Variants in DDB1 observed in about 807,000 individuals in gnomAD.
DDB1 encodes damage specific DNA binding protein 1.
In DDB1, 18 loss-of-function variants were observed where a neutral mutation model predicts 133.1. The observed-to-expected ratio is 0.14, with a 90% confidence interval of 0.09 to 0.20. The LOEUF is 0.20. DDB1 is among the 10% of genes least tolerant of loss of function. The pLI is 1.00. For missense variants in DDB1, 828 were observed against 1,459.2 expected, an observed-to-expected ratio of 0.57 and a Z score of 7.05; for synonymous variants, 580 against 550.5, an observed-to-expected ratio of 1.05 and a Z score of -0.75.
At position 61,333,014 on chromosome 11, in the gene DDB1, A is replaced by C. The variant is rs1856435285; in HGVS notation, c.-46T>G. The stretch of plus-strand genomic sequence containing the variant: ...GTCGGGACTCGAGCGCGACACTAGA[A>C]AGAGGGACACAAGCGAAAAGACAGG... On this transcript the variant is annotated 5_prime_UTR_variant, in exon 1 of 27. Transcript: ENST00000301764. 1.4e-6 allele frequency: 2 copies of C among 1,453,746 alleles called. No homozygotes were observed. Among genetic ancestry groups the C allele is most frequent in the African/African-American group, 1.5e-5 (1 of 67,718 alleles). 90.1% of individuals were successfully genotyped at this position (1,453,746 alleles called of 1,614,324 possible).
In DDB1 at chr11:61,332,899, C is replaced by T; in HGVS notation, c.61+9G>A. 3 of 1,481,416 alleles carry T rather than the reference C, an allele frequency of 2.0e-6. No homozygotes were observed. Among genetic ancestry groups the T allele is most frequent in the South Asian group, 1.3e-5 (1 of 78,482 alleles). The allele number at this position is 1,481,416 out of a possible 1,614,324, so 91.8% of individuals were successfully genotyped here. On this transcript the variant is annotated intron_variant, in intron 1 of 26. Transcript: ENST00000301764. The stretch of plus-strand genomic sequence containing the variant: ...CACTCGCCGGGGTCTCCGGCCCCGG[C>T]AGCCTCACCGGTCACGCAGCCGTTC...
intron 7 of DDB1, 71 bp downstream of exon 7, chr11:61,323,908 T>G (rs945384413): frequency 2.8e-5 from 43 of 1,552,948 alleles, no homozygotes; most frequent in Non-Finnish European, 3.8e-5. Flanking sequence ...AGTTGAGGTG[T>G]GGGACCACAC....
intron 2 of DDB1, among the ~76,000 whole-genome samples, chr11:61,330,654 T>G (rs943279107): frequency 6.6e-5 from 10 of 151,828 alleles, no homozygotes; most frequent in African/African-American, 2.4e-4. Context: ...ATGGTAATTG[T>G]TTTTTTTGTT....
At chr11:61,309,143 C>G in intron 20 of DDB1, 66 bp from the exon 21 acceptor site, 1 of 1,478,970 alleles carries the variant, frequency 6.8e-7, no homozygotes, top group East Asian at 2.3e-5. Context: ...AAAGAATCCT[C>G]TGGTTGCCCC....
chr11:61,315,642 A>G (rs1590689637), intron 12 of DDB1: 1 of 152,446 alleles, frequency 6.6e-6, no homozygotes, highest in Non-Finnish European at 1.5e-5. Flanking sequence ...AACAGCTCAG[A>G]AGGTAAGGAG....
At chr11:61,326,697 G>T in intron 5 of DDB1, 82 bp downstream of exon 5, 1 of 1,075,472 alleles carries the variant, frequency 9.3e-7, no homozygotes, top group Non-Finnish European at 1.5e-6. Flanking sequence ...AAAACGAAGG[G>T]CAGAGAAGGT....
intron 19 of DDB1, 25 bp downstream of exon 19, chr11:61,310,270 A>G: frequency 6.3e-7 from 1 of 1,596,602 alleles, no homozygotes; most frequent in Non-Finnish European, 8.5e-7. Flanking sequence ...CGTAGATAAA[A>G]ATTATCGAAA....
chr11:61,312,057 G>C lies in DDB1; in HGVS notation c.2097C>G (p.Leu699=). ...GGATCTCATCGATGGTGCCAATGGT[G>C]AGGGTGCTATTGTTGGCCAGCGCCA... The part of the protein sequence containing the change: ...DSLALANNST[L]TIGTIDEIQK... The change falls in exon 17 of 27, where the codon CTC becomes CTG. Residue 699 remains leucine (L), a synonymous_variant. Transcript: ENST00000301764. The C allele has an allele frequency of 6.2e-7, 1 of 1,614,236 alleles. No homozygotes were observed.
Position 61,329,579 on chromosome 11 carries a change from G to A in DDB1, c.333C>T (p.Arg111=). The part of the protein sequence containing the change: ...ITRAHGNVQD[R]IGRPSETGII... ...TGCCGGTCTCTGAGGGGCGGCCAATGCGGTCCTGAGAAACAAAATCGGGAT... is the reference window on the plus strand; with the variant it reads ...TGCCGGTCTCTGAGGGGCGGCCAATACGGTCCTGAGAAACAAAATCGGGAT... Residue 111 remains arginine, a synonymous_variant, in exon 4 of 27, where the codon CGC becomes CGT. Transcript: ENST00000301764. The A allele has an allele frequency of 6.2e-7, 1 of 1,609,314 alleles. No homozygotes were observed. The highest frequency in any genetic ancestry group is 8.5e-7 in the Non-Finnish European group (1 of 1,177,554).
rs376330146 is a variant in DDB1 at position 61,316,998 on chromosome 11, T to G, written c.1226-431A>C. ...ATATATATATATATATATATATATA[T>G]AGACATGGCAGCCTGACACCACTGG... On this transcript the variant is annotated intron_variant, in intron 10 of 26. Transcript: ENST00000301764. 1.6e-4 allele frequency among the ~76,000 whole-genome samples: 15 copies of G among 92,168 alleles called. 1 individual carries two copies. Among genetic ancestry groups the G allele is most frequent in the South Asian group, 7.2e-4 (2 of 2,776 alleles). The allele number at this position is 92,168 out of a possible 152,430, so 60.5% of individuals were successfully genotyped here. A position where few individuals can be genotyped will look rare whatever the true frequency, so the allele number is the denominator to read the frequency against.
At chr11:61,323,367 A>T in intron 7 of DDB1, 1 of 397,846 alleles carries the variant, frequency 2.5e-6, no homozygotes, top group South Asian at 3.9e-5. Flanking sequence ...TTAATATTAA[A>T]CTTTTTGGGA....
chr11:61,323,701 A>T (rs997750767), intron 7 of DDB1: 5 of 374,988 alleles, frequency 1.3e-5, no homozygotes, highest in African/African-American at 2.0e-5. Flanking sequence ...GGTGTGAGCC[A>T]CTGAAACCAG....
At chr11:61,320,291 C>A (rs1234349237) in intron 10 of DDB1, among the ~76,000 whole-genome samples, 1 of 151,904 alleles carries the variant, frequency 6.6e-6, no homozygotes, top group Admixed American at 6.6e-5. Context: ...ACCTCCGCCT[C>A]CCAGGTTCAA....
At position 61,331,442 on chromosome 11, in the gene DDB1, A is replaced by AC. The variant is rs1590702709; in HGVS notation, c.210+100dup. On this transcript the variant is annotated intron_variant, in intron 2 of 26. Coordinates refer to ENST00000301764, the MANE Select transcript of DDB1 (RefSeq NM_001923.5). ...AAGACATCCTGGGCAACACTGTGAGACCCCCGTCTCAAAGAAAATAAATAA... is the reference window on the plus strand; with the variant it reads ...AAGACATCCTGGGCAACACTGTGAGACCCCCCGTCTCAAAGAAAATAAATAA... 8.1e-6 allele frequency: 12 copies of AC among 1,478,698 alleles called. No homozygotes were observed. The East Asian group carries it at 2.6e-4, about 32-fold the overall frequency. 91.6% of individuals were successfully genotyped at this position (1,478,698 alleles called of 1,614,324 possible).
chr11:61,314,136 A>C lies in DDB1; in HGVS notation c.1664T>G (p.Leu555Arg). 2 of 1,614,160 alleles carry C rather than the reference A, an allele frequency of 1.2e-6. No homozygotes were observed. The highest frequency in any genetic ancestry group is 1.7e-6 in the Non-Finnish European group (2 of 1,179,992). ...PLGDSNGLSP[L>R]CAIGLWTDIS... ...GTCCGTCCAGAGGCCAATGGCACAA[A>C]GAGGGGACAGTCCATTGCTGTCTCC... Residue 555 changes from leucine to arginine, a missense_variant, in exon 14 of 27, where the codon CTT (leucine) becomes CGT (arginine). Leu to Arg is a moderately radical substitution (Grantham distance 102). Transcript: ENST00000301764.
At position 61,316,483 on chromosome 11, in the gene DDB1, C is replaced by T; in HGVS notation, c.1301+9G>A. ...CAGCACCTACAGCTGGCACTAGACC[C>T]ATCCTTACCTTGTCTGGCCCACAAA... is the stretch of plus-strand genomic sequence containing the variant. On this transcript the variant is annotated intron_variant, in intron 11 of 26. Transcript: ENST00000301764. The T allele has an allele frequency of 6.2e-7, 1 of 1,614,178 alleles. No individual in the cohort carries two copies.
chr11:61,303,165 G>C lies in DDB1; in HGVS notation c.2833-10C>G. The stretch of plus-strand genomic sequence containing the variant: ...TAAAGTCTCGAGCAATCTTAAAACA[G>C]ACAAGGTGAAAGAAGAAAGCATAAT... On this transcript the variant is annotated splice_polypyrimidine_tract_variant and intron_variant, in intron 22 of 26. Transcript: ENST00000301764. 6.2e-7 allele frequency: 1 copy of C among 1,612,080 alleles called. No homozygotes were observed. The highest frequency in any genetic ancestry group is 8.5e-7 in the Non-Finnish European group (1 of 1,178,226).
At chr11:61,321,803 T>C (rs1856184717) in intron 9 of DDB1, 106 bp from the exon 10 acceptor site, 1 of 991,484 alleles carries the variant, frequency 1.0e-6, no homozygotes, top group African/African-American at 1.6e-5. Flanking sequence ...GAACCTTTAT[T>C]GTGGGGCTAG....
In DDB1 at chr11:61,303,086, C is replaced by A. The variant is rs918285966; in HGVS notation, c.2902G>T (p.Ala968Ser). The change falls in exon 23 of 27, where the codon GCT becomes TCT. Residue 968 changes from alanine to serine, a missense_variant. Ala to Ser is a moderately conservative substitution (Grantham distance 99). Transcript: ENST00000301764. ...EILDDDNFLG[A>S]ENAFNLFVCQ... ...ACAAACAAGTTAAAGGCATTTTCAG[C>A]CCCCAGAAAATTGTCATCATCCAAG... 6.2e-7 allele frequency: 1 copy of A among 1,614,022 alleles called. No homozygotes were observed. Among genetic ancestry groups the A allele is most frequent in the Non-Finnish European group, 8.5e-7 (1 of 1,180,012 alleles).
Sources: gnomAD v4.1 joint callset for allele counts (sites outside exome capture counted in the v4.1 genomes callset) on GRCh38, gnomAD v4.1.1 for gene constraint, MANE v1.5 for transcripts, NCBI Gene and HGNC (gene_info 2026-07-23, HGNC 2026-07-21) for gene names.